Variants in TRAPPC9 observed in about 807,000 individuals in gnomAD.
TRAPPC9 encodes trafficking protein particle complex subunit 9.
A neutral mutation model predicts 124.0 loss-of-function variants in TRAPPC9; 83 were observed. The ratio of observed to expected loss-of-function variants is 0.67; its 90% CI spans 0.56 to 0.80. TRAPPC9 has a LOEUF of 0.80. Among genes scored for constraint, TRAPPC9 ranks in the 30% least tolerant of loss-of-function variants. The pLI, the probability that TRAPPC9 is intolerant of heterozygous loss-of-function variation, is 0.00. For missense variants in TRAPPC9, 1,302 were observed against 1,508.3 expected (o/e 0.86, Z 2.27); for synonymous variants, 638 against 617.5 (o/e 1.03, Z -0.49).
chr8:140,366,485 T>C (rs578153969), intron 8 of TRAPPC9, among the ~76,000 whole-genome samples: 3 of 152,130 alleles, frequency 2.0e-5, no homozygotes, highest in Non-Finnish European at 4.4e-5. Context: ...GAGACAGTCT[T>C]TTCAATAAAT....
At chr8:140,342,463 T>C (rs2067221887) in intron 9 of TRAPPC9, among the ~76,000 whole-genome samples, 1 of 152,218 alleles carries the variant, frequency 6.6e-6, no homozygotes, top group Non-Finnish European at 1.5e-5. Flanking sequence ...ATTTATCTCT[T>C]CAACATACAA....
At position 139,788,003 on chromosome 8, in the gene TRAPPC9, C is replaced by A. The variant is rs1822393421; in HGVS notation, c.3056-55801G>T. 6.6e-6 allele frequency among the ~76,000 whole-genome samples: 1 copy of A among 152,180 alleles called. No individual in the cohort carries two copies. Among genetic ancestry groups the A allele is most frequent in the African/African-American group, 2.4e-5 (1 of 41,442 alleles). Reference sequence around the variant, plus strand: ...AGGAACCCCACCGCGGGCATCTGACCCTGTGGCGTCCTCCACCACTGCCAA... The same window carrying A: ...AGGAACCCCACCGCGGGCATCTGACACTGTGGCGTCCTCCACCACTGCCAA... On this transcript the variant is annotated intron_variant, in intron 21 of 22. Coordinates refer to ENST00000438773, the MANE Select transcript of TRAPPC9 (RefSeq NM_001160372.4). This position sits in a 1 kb window ranked among gnomAD's most constrained non-coding sequence, Gnocchi z 4.9.
chr8:139,754,721 C>G (rs1819579682), intron 21 of TRAPPC9, among the ~76,000 whole-genome samples: 1 of 152,212 alleles, frequency 6.6e-6, no homozygotes, highest in African/African-American at 2.4e-5. Context: ...TGCTGCGTGC[C>G]AGCCTCTGTT....
At chr8:140,034,158 T>C (rs765274533) in intron 17 of TRAPPC9, among the ~76,000 whole-genome samples, 1 of 152,240 alleles carries the variant, frequency 6.6e-6, no homozygotes, top group Non-Finnish European at 1.5e-5. Context: ...TGTGTGTTTG[T>C]ACCCAACACA....
chr8:139,808,118 A>G (rs755590860), intron 21 of TRAPPC9, among the ~76,000 whole-genome samples: 17 of 152,116 alleles, frequency 1.1e-4, no homozygotes, highest in Non-Finnish European at 2.4e-4. Context: ...ATTAACTATT[A>G]CTTTTTTGAG....
intron 4 of TRAPPC9, among the ~76,000 whole-genome samples, chr8:140,434,196 A>C (rs188383450): frequency 4.2e-4 from 64 of 152,244 alleles, no homozygotes; most frequent in Non-Finnish European, 8.4e-4. Context: ...GCCCACTCCC[A>C]CACTGTGGAG....
At chr8:140,024,641 C>T (rs1329990234) in intron 17 of TRAPPC9, among the ~76,000 whole-genome samples, 1 of 152,164 alleles carries the variant, frequency 6.6e-6, no homozygotes, top group Non-Finnish European at 1.5e-5. Flanking sequence ...GGGTGATCCA[C>T]CCGCCTCGGC....
chr8:139,823,155 T>C (rs1825370248), intron 21 of TRAPPC9, among the ~76,000 whole-genome samples: 1 of 151,968 alleles, frequency 6.6e-6, no homozygotes, highest in Non-Finnish European at 1.5e-5. Context: ...ACACATAATT[T>C]TGGGGGGACA....
rs187981847 is a variant in TRAPPC9 at position 140,296,428 on chromosome 8, C to T, written c.1768+4041G>A. ...CACAGGTGCCCGCCACCAGGCCTGG[C>T]TATTTTTTTGTATTTTGTGTAGAGA... is the stretch of plus-strand genomic sequence containing the variant. On this transcript the variant is annotated intron_variant, in intron 11 of 22. Transcript: ENST00000438773. Among the ~76,000 whole-genome samples, 9 of 152,252 alleles carry T rather than the reference C, an allele frequency of 5.9e-5. No individual in the cohort carries two copies. The East Asian group carries it at 1.5e-3, about 26-fold the overall frequency.
At chr8:140,372,673 T>C (rs1379361034) in intron 7 of TRAPPC9, among the ~76,000 whole-genome samples, 1 of 152,126 alleles carries the variant, frequency 6.6e-6, no homozygotes, top group African/African-American at 2.4e-5. Flanking sequence ...ACAAATGGAA[T>C]TAGTGCCCTT....
chr8:140,386,070 C>A (rs200883721), intron 7 of TRAPPC9, among the ~76,000 whole-genome samples: 2 of 152,102 alleles, frequency 1.3e-5, no homozygotes, highest in African/African-American at 4.8e-5. Context: ...CAAAAACTAC[C>A]TGATTATCTC....
At chr8:140,159,527 GAAGA>G (rs938652174) in intron 17 of TRAPPC9, among the ~76,000 whole-genome samples, 37 of 152,296 alleles carry the variant, frequency 2.4e-4, no homozygotes, top group African/African-American at 7.9e-4. Context: ...ATTAGGCAAG[GAAGA>G]AAGAGAGTAC....
chr8:139,865,530 G>C (rs1364606255), intron 21 of TRAPPC9, among the ~76,000 whole-genome samples: 2 of 152,158 alleles, frequency 1.3e-5, no homozygotes, highest in Non-Finnish European at 2.9e-5. Flanking sequence ...AAAGCAAAAG[G>C]TATGTTTGAG....
chr8:140,025,335 G>C (rs1840076121), intron 17 of TRAPPC9, among the ~76,000 whole-genome samples: 1 of 152,164 alleles, frequency 6.6e-6, no homozygotes. Flanking sequence ...TGAGAGCTAA[G>C]AACAGTTTTT....
intron 16 of TRAPPC9, among the ~76,000 whole-genome samples, chr8:140,226,634 AG>A (rs1321401736): frequency 1.3e-5 from 2 of 151,562 alleles, no homozygotes; most frequent in East Asian, 3.9e-4. Context: ...GAAAAAAAAA[AG>A]AAAAAGATCC....
Position 140,211,810 on chromosome 8 carries a change from G to A in TRAPPC9, c.2556+9649C>T, listed in dbSNP as rs541350649. Among the ~76,000 whole-genome samples, 351 of 152,294 alleles carry A rather than the reference G, an allele frequency of 2.3e-3. 2 individuals carry two copies. The highest frequency in any genetic ancestry group is 7.7e-4 in the East Asian group (4 of 5,186). ...TCTGGCCTCACTGTCTGGAATATCC[G>A]GGTCAAGAAATGTGTACAGAAGGCA... On this transcript the variant is annotated intron_variant, in intron 17 of 22. Transcript: ENST00000438773.
chr8:140,202,705 A>G (rs1386241735), intron 17 of TRAPPC9, among the ~76,000 whole-genome samples: 1 of 152,198 alleles, frequency 6.6e-6, no homozygotes, highest in African/African-American at 2.4e-5. Flanking sequence ...GGAGAAAAAC[A>G]ATGGGCTCAG....
intron 19 of TRAPPC9, among the ~76,000 whole-genome samples, chr8:139,928,071 T>C (rs897880952): frequency 1.3e-5 from 2 of 152,228 alleles, no homozygotes; most frequent in Admixed American, 1.3e-4. Context: ...TTTAAATATG[T>C]AGGGTTTACT....
intron 21 of TRAPPC9, among the ~76,000 whole-genome samples, chr8:139,839,225 C>T (rs1031266331): frequency 1.3e-5 from 2 of 152,234 alleles, no homozygotes; most frequent in Admixed American, 6.5e-5. Context: ...GAGCACCTGC[C>T]ACGCTAGACA....
Sources: allele counts gnomAD v4.1 joint callset (sites outside exome capture counted in the v4.1 genomes callset), GRCh38; gene constraint gnomAD v4.1.1; non-coding constraint Gnocchi (gnomAD v3.1); transcripts MANE v1.5; gene names NCBI Gene and HGNC (gene_info 2026-07-23, HGNC 2026-07-21).